The following PTK2B variants were observed in gnomAD, a reference collection of about 807,000 sequenced individuals.
PTK2B encodes the protein protein-tyrosine kinase 2-beta.
In PTK2B, 71 loss-of-function variants were observed where a neutral mutation model predicts 142.9. That is an observed-to-expected ratio of 0.50 (90% CI 0.41 to 0.61). The LOEUF (loss-of-function observed/expected upper bound fraction) is 0.61. PTK2B is among the 20% of genes least tolerant of loss of function. The pLI is 0.00. For missense variants in PTK2B, 1,105 were observed against 1,320.4 expected (o/e 0.84, Z 2.53); for synonymous variants, 519 against 503.4 (o/e 1.03, Z -0.42).
chr8:27,453,846 C>T (rs1811973411), intron 28 of PTK2B, among the ~76,000 whole-genome samples: 1 of 152,268 alleles, frequency 6.6e-6, no homozygotes, highest in South Asian at 2.1e-4. Context: ...TATACTCCAG[C>T]CTGGGCAACA....
intron 1 of PTK2B, among the ~76,000 whole-genome samples, chr8:27,384,932 T>C (rs966500819): frequency 3.9e-5 from 6 of 152,196 alleles, no homozygotes; most frequent in African/African-American, 9.7e-5. Flanking sequence ...TGGGGGTGTC[T>C]ATGGAATGAG....
In PTK2B at chr8:27,335,832, G is replaced by A. The variant is rs117310117; in HGVS notation, c.-38+10151G>A. 2.6e-3 allele frequency among the ~76,000 whole-genome samples: 396 copies of A among 152,248 alleles called. 2 individuals are homozygous for A. Among genetic ancestry groups the A allele is most frequent in the Non-Finnish European group, 4.7e-3 (319 of 68,020 alleles). ...TTTTTTATTTGTATGTGCAATCAGGGGGTGTGGGGACTTTTTAGCAAAGCT... is the reference window on the plus strand; with the variant it reads ...TTTTTTATTTGTATGTGCAATCAGGAGGTGTGGGGACTTTTTAGCAAAGCT... On this transcript the variant is annotated intron_variant, in intron 1 of 30. Transcript: ENST00000346049.
chr8:27,413,137 C>T (rs1207243378), intron 2 of PTK2B, among the ~76,000 whole-genome samples: 3 of 152,050 alleles, frequency 2.0e-5, no homozygotes, highest in Non-Finnish European at 4.4e-5. Flanking sequence ...TCAGTCTCTT[C>T]ATAAGCAGGC....
chr8:27,362,281 C>T (rs937040343), intron 1 of PTK2B, among the ~76,000 whole-genome samples: 1 of 152,184 alleles, frequency 6.6e-6, no homozygotes, highest in Non-Finnish European at 1.5e-5. Context: ...GTCCTCCCCT[C>T]TCCACTTCCT....
At chr8:27,439,427 A>T in intron 20 of PTK2B, 29 bp downstream of exon 20, 1 of 1,591,746 alleles carries the variant, frequency 6.3e-7, no homozygotes, top group Non-Finnish European at 8.6e-7. Flanking sequence ...GGGCATGAAA[A>T]GGTGTTCAGA....
chr8:27,354,277 A>T (rs1454471700), intron 1 of PTK2B, among the ~76,000 whole-genome samples: 4 of 152,184 alleles, frequency 2.6e-5, no homozygotes, highest in Non-Finnish European at 5.9e-5. Flanking sequence ...TTTCTGGACT[A>T]ACCCCCACAG....
intron 14 of PTK2B, 101 bp downstream of exon 14, chr8:27,435,894 A>C: frequency 7.1e-7 from 1 of 1,403,466 alleles, no homozygotes; most frequent in Non-Finnish European, 1.0e-6. Flanking sequence ...TTCCTCCTTT[A>C]TCCTCCCTTC....
chr8:27,439,296 T>C lies in PTK2B; in HGVS notation c.1745-13T>C. ...TTTCTTCCCTAAAAATCAACCTCTT[T>C]GCCCACCCAAAGCCTCTGTGACTCG... is the stretch of plus-strand genomic sequence containing the variant. On this transcript the variant is annotated splice_polypyrimidine_tract_variant and intron_variant, in intron 19 of 30. Transcript: ENST00000346049. The C allele has an allele frequency of 6.2e-7, 1 of 1,608,426 alleles. No individual in the cohort carries two copies. Among genetic ancestry groups the C allele is most frequent in the Middle Eastern group, 1.7e-4 (1 of 6,044 alleles).
At chr8:27,337,927 T>G (rs1045562562) in intron 1 of PTK2B, among the ~76,000 whole-genome samples, 29 of 152,228 alleles carry the variant, frequency 1.9e-4, no homozygotes, top group Non-Finnish European at 8.8e-5. Context: ...TTTAACATTT[T>G]GAGGAACTGT....
chr8:27,405,403 G>A (rs1349858203), intron 2 of PTK2B, among the ~76,000 whole-genome samples: 1 of 152,108 alleles, frequency 6.6e-6, no homozygotes. Flanking sequence ...GGGAGGAGGA[G>A]GTTACTTGTC....
chr8:27,453,958 A>G, intron 28 of PTK2B, 196 bp from the exon 29 acceptor site: 1 of 655,832 alleles, frequency 1.5e-6, no homozygotes, highest in Non-Finnish European at 2.5e-6. Flanking sequence ...GTATTCCGTT[A>G]AGGCTCCCTG....
chr8:27,372,844 TTGTTAGC>T (rs1223133077), intron 1 of PTK2B, among the ~76,000 whole-genome samples: 1 of 152,212 alleles, frequency 6.6e-6, no homozygotes, highest in African/African-American at 2.4e-5. Context: ...AGATGTGTTT[TTGTTAGC>T]TTATACTGTT....
At chr8:27,315,233 C>T (rs533438000) in intron 3 of PTK2B, among the ~76,000 whole-genome samples, 1 of 152,156 alleles carries the variant, frequency 6.6e-6, no homozygotes, top group South Asian at 2.1e-4. Context: ...AAAGCAGTTT[C>T]CTGGGCCCAC....
At chr8:27,380,127 A>G (rs961360106) in intron 1 of PTK2B, among the ~76,000 whole-genome samples, 1 of 151,878 alleles carries the variant, frequency 6.6e-6, no homozygotes, top group Non-Finnish European at 1.5e-5. Flanking sequence ...ATAAGCTCCT[A>G]TTCTCAGGGA....
chr8:27,432,243 C>G lies in PTK2B; in HGVS notation c.886-17C>G, dbSNP rs1222900837. ...TGGTAGTGGGATGGTCTGAAGCTCC[C>G]CCTTCTTTTCCCACAGCCCACCTGC... On this transcript the variant is annotated splice_polypyrimidine_tract_variant and intron_variant, in intron 9 of 30. Transcript: ENST00000346049. 3.0e-5 allele frequency: 48 copies of G among 1,612,474 alleles called. No individual in the cohort carries two copies. In the Admixed American group the frequency reaches 7.3e-4, roughly 25 times the overall value.
Position 27,454,206 on chromosome 8 carries a change from A to T in PTK2B, c.2648A>T (p.Asn883Ile). Residue 883 changes from asparagine (N) to isoleucine (I), a missense_variant, in exon 29 of 31, where the codon AAT (asparagine) becomes ATT (isoleucine). Physicochemically the swap from Asn to Ile is moderately radical, Grantham distance 149. Coordinates refer to ENST00000346049, the MANE Select transcript of PTK2B (RefSeq NM_173176.3). ...CGGACTGATGACCTGGTGTACCTCA[A>T]TGTCATGGAGCTGGTGCGGGCCGTG... ...LDRTDDLVYL[N>I]VMELVRAVLE... The T allele has an allele frequency of 6.2e-7, 1 of 1,614,068 alleles. No individual in the cohort carries two copies. The highest frequency in any genetic ancestry group is 8.5e-7 in the Non-Finnish European group (1 of 1,179,976).
At chr8:27,425,969 A>G (rs886506545) in intron 5 of PTK2B, among the ~76,000 whole-genome samples, 2 of 152,178 alleles carry the variant, frequency 1.3e-5, no homozygotes, top group South Asian at 2.1e-4. Context: ...CAGGGCCTCT[A>G]TGCTAGAAAT....
intron 22 of PTK2B, among the ~76,000 whole-genome samples, chr8:27,443,414 T>G (rs1811281445): frequency 6.6e-6 from 1 of 152,216 alleles, no homozygotes; most frequent in Non-Finnish European, 1.5e-5. Context: ...CCTGTCTTAG[T>G]CAACTGGAGC....
At chr8:27,340,603 G>A (rs1019807645) in intron 1 of PTK2B, among the ~76,000 whole-genome samples, 5 of 152,242 alleles carry the variant, frequency 3.3e-5, no homozygotes, top group African/African-American at 1.2e-4. Flanking sequence ...GAATTTTTAA[G>A]CAGGGAAGAG....
Sources: allele counts gnomAD v4.1 joint callset (sites outside exome capture counted in the v4.1 genomes callset), GRCh38; gene constraint gnomAD v4.1.1; transcripts MANE v1.5; gene names NCBI Gene and HGNC (gene_info 2026-07-23, HGNC 2026-07-21).